The following SLC35D2 variants were observed in gnomAD, a reference collection of about 807,000 sequenced individuals.
SLC35D2 encodes the protein solute carrier family 35 member D2.
In SLC35D2, 43 loss-of-function variants were observed where a neutral mutation model predicts 41.8. The observed-to-expected ratio is 1.03, with a 90% confidence interval of 0.81 to 1.33. The LOEUF is 1.33. Ranked by LOEUF, SLC35D2 falls within the 40% of genes most tolerant of loss-of-function variation. SLC35D2 has a pLI of 0.00. For synonymous variants in SLC35D2, 150 were observed against 163.9 expected (o/e 0.92, Z 0.65); for missense variants, 380 against 408.4 (o/e 0.93, Z 0.60).
chr9:96,381,216 T>C (rs1831185766), intron 1 of SLC35D2, among the ~76,000 whole-genome samples: 1 of 152,256 alleles, frequency 6.6e-6, no homozygotes, highest in Non-Finnish European at 1.5e-5. Context: ...ATTTATCCAG[T>C]CTCATCCTTC....
chr9:96,322,718 T>TTTTTTG (rs1564082415), intron 10 of SLC35D2, among the ~76,000 whole-genome samples: 3 of 41,268 alleles, frequency 7.3e-5, no homozygotes, highest in East Asian at 7.3e-4. Context: ...TTTTCTGGGG[T>TTTTTTG]TTTTTTTTTT....
At chr9:96,333,167 G>A (rs577761642) in intron 9 of SLC35D2, among the ~76,000 whole-genome samples, 11 of 151,530 alleles carry the variant, frequency 7.3e-5, no homozygotes, top group Non-Finnish European at 1.6e-4. Context: ...AAAGTGCTGG[G>A]ATTACAGGCA....
chr9:96,340,737 T>C (rs1297949153), intron 8 of SLC35D2, among the ~76,000 whole-genome samples: 2 of 151,822 alleles, frequency 1.3e-5, no homozygotes, highest in Non-Finnish European at 2.9e-5. Flanking sequence ...ATACTCTATA[T>C]CTTCTAATTA....
chr9:96,342,036 C>T (rs1158408410), intron 8 of SLC35D2, among the ~76,000 whole-genome samples: 1 of 151,630 alleles, frequency 6.6e-6, no homozygotes. Context: ...AAAAAAAAAC[C>T]CTCGTTTCTA....
intron 6 of SLC35D2, among the ~76,000 whole-genome samples, chr9:96,347,354 G>T (rs970125182): frequency 2.6e-5 from 4 of 152,152 alleles, no homozygotes; most frequent in Admixed American, 6.5e-5. Flanking sequence ...GGAAGCCTGG[G>T]TCACTGTCAG....
chr9:96,335,359 T>TTATG (rs1564093485), intron 9 of SLC35D2, among the ~76,000 whole-genome samples: 1 of 152,010 alleles, frequency 6.6e-6, no homozygotes, highest in South Asian at 2.1e-4. Context: ...TATTTATTCT[T>TTATG]TTTGTTTGTT....
intron 4 of SLC35D2, among the ~76,000 whole-genome samples, chr9:96,358,707 G>A (rs1830139585): frequency 6.6e-6 from 1 of 152,194 alleles, no homozygotes; most frequent in African/African-American, 2.4e-5. Flanking sequence ...AAAAAGTTTA[G>A]GTTGGGTGTG....
At chr9:96,383,449 GA>G in intron 1 of SLC35D2, 27 bp downstream of exon 1, 1 of 1,499,450 alleles carries the variant, frequency 6.7e-7, no homozygotes, top group Non-Finnish European at 8.9e-7. Context: ...CACTCCCGCA[GA>G]CCCCCCGGCC....
chr9:96,361,346 G>A (rs1229184125), intron 3 of SLC35D2, among the ~76,000 whole-genome samples: 1 of 152,144 alleles, frequency 6.6e-6, no homozygotes, highest in East Asian at 1.9e-4. Context: ...CAGGTTACAT[G>A]AGGGCATAGT....
intron 3 of SLC35D2, 69 bp downstream of exon 3, chr9:96,364,395 C>T: frequency 1.0e-6 from 1 of 957,362 alleles, no homozygotes; most frequent in Admixed American, 1.8e-5. Flanking sequence ...TAGAAATTGA[C>T]CTGTACTCTA....
chr9:96,376,884 A>G (rs1830986471), intron 1 of SLC35D2, among the ~76,000 whole-genome samples: 2 of 151,740 alleles, frequency 1.3e-5, no homozygotes, highest in African/African-American at 2.4e-5. Context: ...TGCTAGGATT[A>G]TAGGTGTGAG....
chr9:96,316,750 T>C (rs78212836), downstream of SLC35D2, among the ~76,000 whole-genome samples: 7 of 147,408 alleles, frequency 4.7e-5, no homozygotes, highest in East Asian at 6.0e-4. Context: ...ACAAAAAATA[T>C]ATATTTCACT....
intron 8 of SLC35D2, among the ~76,000 whole-genome samples, chr9:96,343,489 C>G (rs189698345): frequency 3.5e-4 from 54 of 152,248 alleles, no homozygotes; most frequent in Non-Finnish European, 1.2e-4. Context: ...CCTGACAACT[C>G]ATTGAATTAC....
intron 6 of SLC35D2, 41 bp from the exon 7 acceptor site, chr9:96,345,442 C>G: frequency 8.1e-7 from 1 of 1,231,302 alleles, no homozygotes; most frequent in Non-Finnish European, 1.2e-6. Flanking sequence ...TACTCAAAAA[C>G]TCACAACTTG....
In SLC35D2 at chr9:96,368,256, A is replaced by G; in HGVS notation, c.192+16T>C. 2 of 1,582,784 alleles carry G rather than the reference A, an allele frequency of 1.3e-6. No individual in the cohort carries two copies. Among genetic ancestry groups the G allele is most frequent in the Non-Finnish European group, 1.7e-6 (2 of 1,156,830 alleles). ...GATAACAAAATAAGAGGTTAATTCTATTTTTTTTCACTCACCTGTCCAATT... is the reference window on the plus strand; with the variant it reads ...GATAACAAAATAAGAGGTTAATTCTGTTTTTTTTCACTCACCTGTCCAATT... On this transcript the variant is annotated intron_variant, in intron 2 of 11. Transcript: ENST00000253270.
chr9:96,336,502 T>G (rs1362554954), intron 9 of SLC35D2, among the ~76,000 whole-genome samples: 1 of 152,224 alleles, frequency 6.6e-6, no homozygotes, highest in Non-Finnish European at 1.5e-5. Context: ...TTAGCATGAC[T>G]TTCAAAAACA....
At chr9:96,364,325 A>G in intron 3 of SLC35D2, 139 bp downstream of exon 3, 2 of 569,008 alleles carry the variant, frequency 3.5e-6, no homozygotes, top group African/African-American at 3.9e-5. Context: ...ACAGAGCGAC[A>G]GTCCATCTCA....
rs919788788 is a variant in SLC35D2 at position 96,354,645 on chromosome 9, A to G, written c.348-2536T>C. ...TAGCTGGACGTAGTGGTGCGTGACT[A>G]TAATCCCAGTTATTTGGGAGACTAA... On this transcript the variant is annotated intron_variant, in intron 4 of 11. Transcript: ENST00000253270. 2.0e-3 allele frequency among the ~76,000 whole-genome samples: 301 copies of G among 151,740 alleles called. 3 individuals carry two copies. Among genetic ancestry groups the G allele is most frequent in the Non-Finnish European group, 2.9e-4 (20 of 67,918 alleles).
intron 1 of SLC35D2, among the ~76,000 whole-genome samples, chr9:96,381,901 G>A (rs1831213065): frequency 1.3e-5 from 2 of 152,082 alleles, no homozygotes; most frequent in African/African-American, 2.4e-5. Flanking sequence ...TCAGCACATT[G>A]TACACTTGCT....
Sources: allele counts gnomAD v4.1 joint callset (sites outside exome capture counted in the v4.1 genomes callset), GRCh38; gene constraint gnomAD v4.1.1; transcripts MANE v1.5; gene names NCBI Gene and HGNC (gene_info 2026-07-23, HGNC 2026-07-21).